The following AMPH variants were observed in gnomAD, a reference collection of about 807,000 sequenced individuals.
AMPH encodes the protein amphiphysin.
Under a neutral mutation model 99.1 loss-of-function variants are expected in AMPH, and 49 were observed. The observed-to-expected ratio is 0.49, with a 90% CI of 0.39 to 0.63. The LOEUF (loss-of-function observed/expected upper bound fraction) is 0.63. AMPH is among the 20% of genes least tolerant of loss of function. The pLI is 0.00. For missense variants in AMPH, 759 were observed against 863.4 expected, an observed-to-expected ratio of 0.88 and a Z score of 1.52; for synonymous variants, 314 against 317.3, an observed-to-expected ratio of 0.99 and a Z score of 0.11.
chr7:38,407,072 ATATATGTGTGTG>A (rs1474083597), intron 17 of AMPH, among the ~76,000 whole-genome samples: 2 of 32,150 alleles, frequency 6.2e-5, no homozygotes, highest in Non-Finnish European at 1.2e-4. Flanking sequence ...ATATATATAT[ATATATGTGTGTG>A]TGTGTGTGTG....
chr7:38,589,634 A>G (rs1792782393), intron 1 of AMPH, among the ~76,000 whole-genome samples: 1 of 152,136 alleles, frequency 6.6e-6, no homozygotes, highest in Non-Finnish European at 1.5e-5. Context: ...TTTCTGCCCA[A>G]CCTGAAGATG....
intron 1 of AMPH, among the ~76,000 whole-genome samples, chr7:38,604,904 G>A (rs10271846): frequency 0.82 from 125,077 of 152,120 alleles, 52,737 homozygotes; most frequent in African/African-American, 0.93. Flanking sequence ...TTGGAGGTAC[G>A]ATGTGATTAG....
At chr7:38,432,234 T>C (rs1258574252) in intron 12 of AMPH, 22 bp from the exon 13 acceptor site, 1 of 1,604,510 alleles carries the variant, frequency 6.2e-7, no homozygotes, top group Admixed American at 1.7e-5. Context: ...TAAACAAAAA[T>C]ACTGTTAGTT....
intron 6 of AMPH, among the ~76,000 whole-genome samples, chr7:38,475,772 G>A (rs1216246975): frequency 6.6e-6 from 1 of 152,156 alleles, no homozygotes; most frequent in Non-Finnish European, 1.5e-5. Context: ...TACATTACAG[G>A]ATGTATTTAC....
chr7:38,433,118 G>T (rs1463202031), intron 12 of AMPH, among the ~76,000 whole-genome samples: 1 of 152,202 alleles, frequency 6.6e-6, no homozygotes, highest in African/African-American at 2.4e-5. Flanking sequence ...AGAGAGCCTG[G>T]CATTGCCACC....
chr7:38,518,060 G>A (rs1789820539), intron 2 of AMPH, among the ~76,000 whole-genome samples: 3 of 152,156 alleles, frequency 2.0e-5, no homozygotes, highest in Non-Finnish European at 4.4e-5. Flanking sequence ...TCTCAGTGCA[G>A]CACTCTTTGC....
intron 5 of AMPH, among the ~76,000 whole-genome samples, chr7:38,482,346 C>T (rs1442977102): frequency 6.6e-6 from 1 of 152,114 alleles, no homozygotes; most frequent in Non-Finnish European, 1.5e-5. Flanking sequence ...CAAATCTCTA[C>T]ATGGTTCAGA....
At chr7:38,438,526 G>A (rs1220790317) in intron 11 of AMPH, among the ~76,000 whole-genome samples, 5 of 103,244 alleles carry the variant, frequency 4.8e-5, no homozygotes, top group Admixed American at 3.3e-4. Flanking sequence ...TCAAAGTTCT[G>A]CAAGTTCTCC....
intron 11 of AMPH, 147 bp from the exon 12 acceptor site, chr7:38,436,535 C>T (rs1490984116): frequency 3.2e-6 from 2 of 633,910 alleles, no homozygotes; most frequent in East Asian, 2.8e-5. Context: ...CACCCATATG[C>T]ACCCAGTCAC....
intron 1 of AMPH, among the ~76,000 whole-genome samples, chr7:38,604,809 G>A (rs950855684): frequency 6.6e-5 from 10 of 152,270 alleles, no homozygotes; most frequent in Admixed American, 2.6e-4. Context: ...CCGATTCAAA[G>A]TTCTTTTTTC....
chr7:38,581,619 G>C (rs1196021348), intron 1 of AMPH, among the ~76,000 whole-genome samples: 1 of 152,156 alleles, frequency 6.6e-6, no homozygotes, highest in African/African-American at 2.4e-5. Flanking sequence ...ACAGACTGAT[G>C]GCTGTGTGAA....
At chr7:38,400,636 C>A (rs1239769135) in intron 17 of AMPH, among the ~76,000 whole-genome samples, 3 of 152,228 alleles carry the variant, frequency 2.0e-5, no homozygotes, top group Non-Finnish European at 4.4e-5. Flanking sequence ...AGGACCAAGA[C>A]CCCCAAACAT....
chr7:38,465,504 G>A lies in AMPH; in HGVS notation c.712C>T (p.His238Tyr), dbSNP rs140760246. The change falls in exon 9 of 21, where the codon CAC becomes TAC. Residue 238 changes from histidine (H) to tyrosine (Y), a missense_variant. His to Tyr is a moderately conservative substitution (Grantham distance 83, BLOSUM62 2). Transcript: ENST00000356264. ...TGGATGGTGAAGGCCTTGTCGGCGT[G>A]CTGGTCACCCAGTTTTGTCATCACT... Reference protein sequence around the residue: ...YEVMTKLGDQHADKAFTIQGA... With the variant: ...YEVMTKLGDQYADKAFTIQGA... 3.2e-6 allele frequency: 5 copies of A among 1,585,696 alleles called. No individual in the cohort carries two copies. The highest frequency in any genetic ancestry group is 3.4e-6 in the Non-Finnish European group (4 of 1,164,342).
chr7:38,402,875 T>A (rs191805192), intron 17 of AMPH, among the ~76,000 whole-genome samples: 1 of 152,226 alleles, frequency 6.6e-6, no homozygotes, highest in Non-Finnish European at 1.5e-5. Flanking sequence ...TTTTTCTATA[T>A]GCTGGGTTTT....
chr7:38,521,598 A>T (rs977581143), intron 2 of AMPH, among the ~76,000 whole-genome samples: 15 of 152,192 alleles, frequency 9.9e-5, no homozygotes, highest in African/African-American at 3.6e-4. Flanking sequence ...AGATTTTTGG[A>T]AAAGTGCAGA....
intron 1 of AMPH, among the ~76,000 whole-genome samples, chr7:38,549,907 A>T (rs1303495710): frequency 6.6e-6 from 1 of 152,234 alleles, no homozygotes; most frequent in Non-Finnish European, 1.5e-5. Flanking sequence ...ATTTAAAATG[A>T]TCGAGATATG....
At chr7:38,482,367 T>A (rs954441403) in intron 5 of AMPH, among the ~76,000 whole-genome samples, 4 of 152,160 alleles carry the variant, frequency 2.6e-5, no homozygotes, top group African/African-American at 9.6e-5. Context: ...AACTGCAGGA[T>A]CATCTTTGTA....
chr7:38,513,139 C>A (rs1282162441), intron 2 of AMPH, among the ~76,000 whole-genome samples: 1 of 152,028 alleles, frequency 6.6e-6, no homozygotes, highest in Non-Finnish European at 1.5e-5. Context: ...ATTTTAAAAA[C>A]TTTAAATCAA....
intron 1 of AMPH, among the ~76,000 whole-genome samples, chr7:38,540,651 G>T (rs1264306062): frequency 1.4e-5 from 1 of 69,250 alleles, no homozygotes; most frequent in Non-Finnish European, 2.7e-5. Context: ...CAGGGGAAAA[G>T]ATCAAAGAAA....
Sources: allele counts gnomAD v4.1 joint callset (sites outside exome capture counted in the v4.1 genomes callset), GRCh38; gene constraint gnomAD v4.1.1; transcripts MANE v1.5; gene names NCBI Gene and HGNC (gene_info 2026-07-23, HGNC 2026-07-21).